BMAL2: variants seen among roughly 807,000 people sequenced by gnomAD.
BMAL2 encodes basic helix-loop-helix ARNT like 2, also known as basic helix-loop-helix ARNT-like protein 2.
the BMAL2 span, among the ~76,000 whole-genome samples, chr12:27,358,358 G>A: frequency 1.3e-5 from 2 of 152,130 alleles, no homozygotes; most frequent in African/African-American, 4.8e-5. Context: ...CCTTACTCTT[G>A]CAAGAATGGT....
the BMAL2 span, among the ~76,000 whole-genome samples, chr12:27,342,603 C>G: frequency 2.0e-4 from 31 of 152,358 alleles, no homozygotes; most frequent in South Asian, 6.2e-3. Context: ...TTTGATGAAA[C>G]AGTGAACACA....
At chr12:27,380,276 GGA>G in the BMAL2 span, 1 of 1,614,036 alleles carries the variant, frequency 6.2e-7, no homozygotes. Flanking sequence ...GAAAAGCGGA[GGA>G]GAGATAAAAT....
the BMAL2 span, among the ~76,000 whole-genome samples, chr12:27,420,019 GCA>G: frequency 2.1e-3 from 306 of 147,566 alleles, 1 homozygote; most frequent in South Asian, 5.2e-3. Context: ...GTTTGCGCGT[GCA>G]CACACACACA....
the BMAL2 span, among the ~76,000 whole-genome samples, chr12:27,416,204 A>G: frequency 5.3e-5 from 8 of 152,166 alleles, no homozygotes; most frequent in African/African-American, 9.7e-5. Flanking sequence ...CTGTGCCTCA[A>G]TTTTCTCATT....
chr12:27,377,276 C>T, the BMAL2 span, among the ~76,000 whole-genome samples: 1 of 152,186 alleles, frequency 6.6e-6, no homozygotes, highest in Non-Finnish European at 1.5e-5. Flanking sequence ...TATGCCTTTC[C>T]TTAATGAAAG....
the BMAL2 span, chr12:27,403,450 T>G: frequency 6.2e-7 from 1 of 1,604,310 alleles, no homozygotes; most frequent in Non-Finnish European, 8.5e-7. Context: ...TAGACAGTCC[T>G]GTATGAGTGT....
the BMAL2 span, among the ~76,000 whole-genome samples, chr12:27,409,234 G>GA: frequency 1.3e-5 from 2 of 152,034 alleles, no homozygotes; most frequent in Non-Finnish European, 2.9e-5. Context: ...CACAGAATTG[G>GA]AAAAAACTAC....
chr12:27,391,873 C>G, the BMAL2 span, among the ~76,000 whole-genome samples: 3 of 152,162 alleles, frequency 2.0e-5, no homozygotes, highest in African/African-American at 7.2e-5. Flanking sequence ...GCCCAAGGCT[C>G]TGAGTGGTGG....
the BMAL2 span, among the ~76,000 whole-genome samples, chr12:27,419,627 A>G: frequency 6.6e-6 from 1 of 152,218 alleles, no homozygotes; most frequent in Admixed American, 6.5e-5. Context: ...ATATAGTTTC[A>G]TATCCTCCAT....
At chr12:27,417,385 T>C in the BMAL2 span, among the ~76,000 whole-genome samples, 1 of 152,184 alleles carries the variant, frequency 6.6e-6, no homozygotes, top group Non-Finnish European at 1.5e-5. Flanking sequence ...ACCCCAAGCA[T>C]TTGTGGACGT....
chr12:27,333,557 C>G, the BMAL2 span, among the ~76,000 whole-genome samples: 152,394 of 152,396 alleles, frequency 1, 76,196 homozygotes, highest in Middle Eastern at 1. Context: ...AGCCTCGGAC[C>G]TAGCCCGGTT....
the BMAL2 span, among the ~76,000 whole-genome samples, chr12:27,337,263 G>A: frequency 2.6e-5 from 4 of 152,200 alleles, no homozygotes; most frequent in African/African-American, 7.2e-5. Flanking sequence ...TAAGACTATT[G>A]TGATAAAACA....
chr12:27,340,149 G>T, the BMAL2 span, among the ~76,000 whole-genome samples: 1 of 152,088 alleles, frequency 6.6e-6, no homozygotes, highest in African/African-American at 2.4e-5. Flanking sequence ...AATTGCTTTT[G>T]GTGTCTTGCA....
chr12:27,382,740 T>C, the BMAL2 span, among the ~76,000 whole-genome samples: 1 of 152,168 alleles, frequency 6.6e-6, no homozygotes, highest in East Asian at 1.9e-4. Context: ...TGCCTGTGGA[T>C]CATGTTATTT....
At chr12:27,402,363 T>A in the BMAL2 span, among the ~76,000 whole-genome samples, 1 of 152,304 alleles carries the variant, frequency 6.6e-6, no homozygotes, top group South Asian at 2.1e-4. Flanking sequence ...AGTCTTTGCC[T>A]ACTTATTATT....
the BMAL2 span, among the ~76,000 whole-genome samples, chr12:27,345,083 T>A: frequency 6.6e-6 from 1 of 152,220 alleles, no homozygotes; most frequent in Non-Finnish European, 1.5e-5. Flanking sequence ...CCCCATTTTT[T>A]TCTCAAGGCT....
the BMAL2 span, among the ~76,000 whole-genome samples, chr12:27,374,101 C>A: frequency 6.6e-6 from 1 of 152,112 alleles, no homozygotes; most frequent in African/African-American, 2.4e-5. Context: ...ACCAAGGAGG[C>A]AAATTCACTC....
At chr12:27,367,017 C>A in the BMAL2 span, among the ~76,000 whole-genome samples, 1 of 152,226 alleles carries the variant, frequency 6.6e-6, no homozygotes, top group Non-Finnish European at 1.5e-5. Flanking sequence ...CCAAGCTCTA[C>A]ATTTATGAAT....
the BMAL2 span, chr12:27,402,529 G>C: frequency 9.1e-7 from 1 of 1,095,878 alleles, no homozygotes; most frequent in South Asian, 1.5e-5. Flanking sequence ...GCCACAAATT[G>C]ACAAATTAAA....
Sources: gnomAD v4.1 joint callset for allele counts (sites outside exome capture counted in the v4.1 genomes callset) on GRCh38, gnomAD v4.1.1 for gene constraint, MANE v1.5 for transcripts, NCBI Gene and HGNC (gene_info 2026-07-23, HGNC 2026-07-21) for gene names.